Variants in NUP98 observed in about 807,000 individuals in gnomAD.
NUP98 encodes the protein nuclear pore complex protein Nup98-Nup96.
In NUP98, 26 loss-of-function variants were observed where a neutral mutation model predicts 191.9. The ratio of observed to expected loss-of-function variants is 0.14; its 90% CI spans 0.10 to 0.19. The LOEUF is 0.19. NUP98 is among the 10% of genes least tolerant of loss of function. The probability of loss-of-function intolerance (pLI) is 1.00; values close to 1 mark genes in which losing one functional copy is unlikely to be tolerated. For missense variants in NUP98, 1,941 were observed against 2,178.8 expected (o/e 0.89, Z 2.17); for synonymous variants, 808 against 778.4 (o/e 1.04, Z -0.63).
intron 20 of NUP98, 90 bp from the exon 21 acceptor site, chr11:3,706,717 A>T: frequency 7.2e-6 from 9 of 1,244,384 alleles, no homozygotes. Context: ...TCAGAATATG[A>T]TACAACAATT....
chr11:3,716,027 T>G (rs2079169663), intron 18 of NUP98, among the ~76,000 whole-genome samples: 1 of 152,220 alleles, frequency 6.6e-6, no homozygotes, highest in Admixed American at 6.5e-5. Flanking sequence ...CTCCTATTCT[T>G]ATAGGTTGCC....
intron 1 of NUP98, among the ~76,000 whole-genome samples, chr11:3,796,188 GTTTT>G (rs1564947302): frequency 6.6e-6 from 1 of 152,314 alleles, no homozygotes; most frequent in Admixed American, 6.5e-5. Context: ...CCAAAACGGA[GTTTT>G]ATTTCCTCAC....
At chr11:3,794,872 T>C (rs7122294) in intron 1 of NUP98, among the ~76,000 whole-genome samples, 14,949 of 152,180 alleles carry the variant, frequency 0.098, 954 homozygotes, top group African/African-American at 0.18. Flanking sequence ...CCTTGACCTT[T>C]GAAGTGCTGG....
Position 3,753,343 on chromosome 11 carries a change from T to G in NUP98, c.1240A>C (p.Thr414Pro). 1 of 1,614,100 alleles carries G rather than the reference T, an allele frequency of 6.2e-7. No individual in the cohort carries two copies. The highest frequency in any genetic ancestry group is 8.5e-7 in the Non-Finnish European group (1 of 1,179,992). Reference sequence around the variant, plus strand: ...GTTCCAAATCCTGCACCAAGCCCAGTTCCAAGAGTCCCAGGTGCTGGTTTA... The same window carrying G: ...GTTCCAAATCCTGCACCAAGCCCAGGTCCAAGAGTCCCAGGTGCTGGTTTA... ...GSKPAPGTLG[T>P]GLGAGFGTAL... Residue 414 changes from threonine to proline, a missense_variant, in exon 11 of 33, where the codon ACT (threonine) becomes CCT (proline). By Grantham distance (38) the Thr-to-Pro change is conservative (BLOSUM62 -1). Around this residue, in one of 6 missense-constraint regions of NUP98, gnomAD observed 453 missense variants for 438.2 expected, o/e 1.03. Coordinates refer to ENST00000324932, the MANE Select transcript of NUP98 (RefSeq NM_016320.5).
intron 12 of NUP98, among the ~76,000 whole-genome samples, chr11:3,738,669 C>T (rs944667050): frequency 2.7e-5 from 4 of 149,422 alleles, no homozygotes; most frequent in African/African-American, 2.5e-5. Context: ...GTCCCAGCTA[C>T]GCAGGAGGCT....
chr11:3,746,776 G>A (rs973845165), intron 11 of NUP98, among the ~76,000 whole-genome samples: 1 of 151,704 alleles, frequency 6.6e-6, no homozygotes, highest in Non-Finnish European at 1.5e-5. Context: ...GCTGGTCGTG[G>A]TGGCACATGC....
At position 3,791,052 on chromosome 11, in the gene NUP98, C is replaced by A. The variant is rs368820765; in HGVS notation, c.-29+6348G>T. Among the ~76,000 whole-genome samples, 8 of 152,092 alleles carry A rather than the reference C, an allele frequency of 5.3e-5. No homozygotes were observed. In the South Asian group the frequency reaches 1.5e-3, roughly 28 times the overall value. On this transcript the variant is annotated intron_variant, in intron 1 of 32. Transcript: ENST00000324932. ...CTGGGATTACAGGCGCCCGCCACCA[C>A]GCCCAGCTAATTTTTTGTATTTTTA...
chr11:3,790,982 G>A (rs1202657469), intron 1 of NUP98, among the ~76,000 whole-genome samples: 3 of 150,166 alleles, frequency 2.0e-5, no homozygotes, highest in Non-Finnish European at 4.4e-5. Flanking sequence ...TGCAAGCTCT[G>A]CCTCCCAGGT....
At chr11:3,794,026 C>T (rs915981493) in intron 1 of NUP98, among the ~76,000 whole-genome samples, 6 of 152,166 alleles carry the variant, frequency 3.9e-5, no homozygotes, top group African/African-American at 1.2e-4. Context: ...GTAGTAGTCT[C>T]AATCAAGGGC....
At chr11:3,711,837 C>T in intron 20 of NUP98, 2 of 1,032,236 alleles carry the variant, frequency 1.9e-6, no homozygotes, top group Non-Finnish European at 2.3e-6. Flanking sequence ...TCCAGAAATG[C>T]CTCCTAAGAG....
chr11:3,736,092 GTGTGTGTT>G lies in NUP98; in HGVS notation c.1409-776_1409-769del, dbSNP rs1453812155. On this transcript the variant is annotated intron_variant, in intron 12 of 32. Transcript: ENST00000324932. ...CAGCTAATTTTGTGTGTGTGTGTGT[GTGTGTGTT>G]TTGTTTTTTTTTTCAGAGATGGGGT... Among the ~76,000 whole-genome samples the G allele has an allele frequency of 2.5e-3, 375 of 147,208 alleles. 3 individuals carry two copies. Among genetic ancestry groups the G allele is most frequent in the African/African-American group, 9.1e-3 (363 of 40,072 alleles).
intron 6 of NUP98, among the ~76,000 whole-genome samples, chr11:3,772,192 T>C (rs994989503): frequency 3.3e-5 from 5 of 152,064 alleles, no homozygotes; most frequent in African/African-American, 1.2e-4. Flanking sequence ...ATACACTCTT[T>C]TGGTAAAATG....
At chr11:3,747,031 T>G (rs926392700) in intron 11 of NUP98, among the ~76,000 whole-genome samples, 2 of 152,210 alleles carry the variant, frequency 1.3e-5, no homozygotes, top group African/African-American at 4.8e-5. Flanking sequence ...AGATCTGCCT[T>G]GTTTTATGCA....
At chr11:3,699,480 C>T (rs929805329) in intron 24 of NUP98, 132 bp from the exon 25 acceptor site, 25 of 946,350 alleles carry the variant, frequency 2.6e-5, no homozygotes, top group Admixed American at 7.5e-5. Context: ...AAGCTGATTA[C>T]CCTGAATCTG....
At chr11:3,689,662 G>T (rs547438296) in intron 28 of NUP98, among the ~76,000 whole-genome samples, 2 of 152,188 alleles carry the variant, frequency 1.3e-5, no homozygotes, top group South Asian at 4.1e-4. Context: ...TGGAGACAGG[G>T]TCTCTCTCAC....
At position 3,771,831 on chromosome 11, in the gene NUP98, G is replaced by A. The variant is rs2081541830; in HGVS notation, c.701C>T (p.Thr234Ile). Residue 234 changes from threonine (T) to isoleucine (I), a missense_variant, in exon 7 of 33, where the codon ACT becomes ATT. Coordinates refer to ENST00000324932, the MANE Select transcript of NUP98 (RefSeq NM_016320.5). ...TTGLFGSSPA[T>I]SSATGLFSSS... is the part of the protein sequence containing the mutation. ...GCTGAAGAGTCCTGTTGCGCTGGAA[G>A]TGGCTGGAGAAGACCCAAACAAGCC... 1 of 1,614,184 alleles carries A rather than the reference G, an allele frequency of 6.2e-7. No homozygotes were observed. Among genetic ancestry groups the A allele is most frequent in the Non-Finnish European group, 8.5e-7 (1 of 1,180,046 alleles).
chr11:3,755,201 A>G (rs2080915567), intron 10 of NUP98, among the ~76,000 whole-genome samples: 1 of 152,132 alleles, frequency 6.6e-6, no homozygotes, highest in Admixed American at 6.6e-5. Context: ...CACGCCTGTA[A>G]TCCCAACACA....
intron 1 of NUP98, among the ~76,000 whole-genome samples, chr11:3,792,754 A>G (rs1230027547): frequency 6.6e-6 from 1 of 152,240 alleles, no homozygotes; most frequent in African/African-American, 2.4e-5. Flanking sequence ...ACACAGACCA[A>G]TGGTTTTTAA....
At chr11:3,760,444 G>C (rs894592031) in intron 10 of NUP98, 95 bp downstream of exon 10, 3 of 1,553,046 alleles carry the variant, frequency 1.9e-6, no homozygotes, top group African/African-American at 2.7e-5. Context: ...GTGTGGTATA[G>C]TCAGTGTAAC....
Sources: allele counts gnomAD v4.1 joint callset (sites outside exome capture counted in the v4.1 genomes callset), GRCh38; gene constraint gnomAD v4.1.1; regional missense constraint gnomAD v4.1.1; transcripts MANE v1.5; gene names NCBI Gene and HGNC (gene_info 2026-07-23, HGNC 2026-07-21).